The following NAV3 variants were observed in gnomAD, a reference collection of about 807,000 sequenced individuals.
NAV3 encodes the protein neuron navigator 3, also known as pore membrane and/or filament interacting like protein 1.
Under a neutral mutation model 244.7 loss-of-function variants are expected in NAV3, and 87 were observed. The ratio of observed to expected loss-of-function variants is 0.36; its 90% CI spans 0.30 to 0.42. The LOEUF is 0.42. NAV3 is among the 20% of genes least tolerant of loss of function. The probability of loss-of-function intolerance (pLI) is 1.00; values close to 1 mark genes in which losing one functional copy is unlikely to be tolerated. For missense variants in NAV3, 2,663 were observed against 2,893.3 expected, an observed-to-expected ratio of 0.92 and a Z score of 1.83; for synonymous variants, 1,126 against 1,042.2, an observed-to-expected ratio of 1.08 and a Z score of -1.55.
chr12:77,806,798 T>C (rs932957597), intron 2 of NAV3, among the ~76,000 whole-genome samples: 1 of 152,224 alleles, frequency 6.6e-6, no homozygotes, highest in African/African-American at 2.4e-5. Flanking sequence ...TGTGTGGTAG[T>C]CTAAGTCTCT....
At chr12:77,988,483 CTG>C (rs1870916742) in intron 5 of NAV3, among the ~76,000 whole-genome samples, 1 of 152,134 alleles carries the variant, frequency 6.6e-6, no homozygotes, top group African/African-American at 2.4e-5. Flanking sequence ...AAATAGTTGA[CTG>C]TGTATAGTTT....
chr12:78,010,162 A>G (rs1186958022), intron 8 of NAV3, among the ~76,000 whole-genome samples: 1 of 152,194 alleles, frequency 6.6e-6, no homozygotes, highest in African/African-American at 2.4e-5. Context: ...TACAAATAAT[A>G]TGTAAATCCT....
At chr12:78,199,105 C>T (rs1211304749) in intron 36 of NAV3, 1 of 614,634 alleles carries the variant, frequency 1.6e-6, no homozygotes, top group Non-Finnish European at 3.0e-6. Context: ...ACTTCTGACG[C>T]ACATGAGCTT....
intron 2 of NAV3, among the ~76,000 whole-genome samples, chr12:77,664,878 G>A (rs192560482): frequency 2.0e-5 from 3 of 152,190 alleles, no homozygotes; most frequent in Admixed American, 1.3e-4. Context: ...CATTATTTTT[G>A]TACAGTAAAC....
At chr12:78,023,419 G>A (rs780759188) in intron 9 of NAV3, among the ~76,000 whole-genome samples, 1 of 152,114 alleles carries the variant, frequency 6.6e-6, no homozygotes, top group Non-Finnish European at 1.5e-5. Context: ...GGCAATTAAT[G>A]TAATAATTTA....
chr12:77,977,713 C>T (rs908497814), intron 5 of NAV3, among the ~76,000 whole-genome samples: 18 of 40,100 alleles, frequency 4.5e-4, no homozygotes, highest in African/African-American at 1.4e-3. Flanking sequence ...CACACACGCG[C>T]ACACACACAC....
chr12:77,950,400 T>A (rs568954850), intron 3 of NAV3, among the ~76,000 whole-genome samples: 1 of 152,238 alleles, frequency 6.6e-6, no homozygotes, highest in East Asian at 1.9e-4. Context: ...ATTCCCCTGA[T>A]GACATATGAT....
intron 9 of NAV3, among the ~76,000 whole-genome samples, chr12:78,041,994 C>T (rs1275400300): frequency 1.3e-5 from 2 of 152,040 alleles, no homozygotes; most frequent in Non-Finnish European, 2.9e-5. Context: ...GCCGTCCCAT[C>T]TACTTCCTTT....
chr12:77,691,329 G>GTGTATATATATATATA (rs1555195177), intron 2 of NAV3, among the ~76,000 whole-genome samples: 40 of 66,700 alleles, frequency 6.0e-4, no homozygotes, highest in Admixed American at 1.8e-3. Flanking sequence ...AAGTATTTGT[G>GTGTATATATATATATA]TATGTGTGTA....
intron 2 of NAV3, among the ~76,000 whole-genome samples, chr12:77,667,708 A>G (rs752689687): frequency 2.0e-5 from 3 of 152,068 alleles, no homozygotes; most frequent in African/African-American, 4.8e-5. Context: ...ATCTCTTGGT[A>G]GCTCTATGGC....
intron 1 of NAV3, among the ~76,000 whole-genome samples, chr12:77,850,152 T>G (rs1368428320): frequency 6.6e-6 from 1 of 152,222 alleles, no homozygotes; most frequent in Non-Finnish European, 1.5e-5. Flanking sequence ...AGCCTTGTGC[T>G]AGAAAATCAG....
chr12:78,119,858 G>C lies in NAV3; in HGVS notation c.3662G>C (p.Ser1221Thr). ...TCTTTGTCAGGTTCCCCCAAATCCA[G>C]CCCCACCTCTGCCAGCGCCTGTGGT... ...SVSLSGSPKS[S>T]PTSASACGAQ... is the part of the protein sequence containing the mutation. Residue 1221 changes from serine (S) to threonine (T), a missense_variant, in exon 15 of 40, where the codon AGC becomes ACC. This residue lies in a region of NAV3 where 1,521 missense variants were observed against 1,497.0 expected (regional missense o/e 1.02). Transcript: ENST00000397909. 1.2e-6 allele frequency: 2 copies of C among 1,614,104 alleles called. No homozygotes were observed. Among genetic ancestry groups the C allele is most frequent in the Non-Finnish European group, 1.7e-6 (2 of 1,180,008 alleles).
intron 2 of NAV3, among the ~76,000 whole-genome samples, chr12:77,781,352 A>T (rs1021107241): frequency 1.3e-5 from 2 of 152,134 alleles, no homozygotes; most frequent in African/African-American, 2.4e-5. Context: ...AACATTACAA[A>T]CTATTCTCCC....
At chr12:78,059,844 A>G (rs1398314238) in intron 12 of NAV3, among the ~76,000 whole-genome samples, 2 of 152,170 alleles carry the variant, frequency 1.3e-5, no homozygotes, top group Non-Finnish European at 2.9e-5. Flanking sequence ...AGATTAAAAT[A>G]TATTTCAAAT....
intron 11 of NAV3, among the ~76,000 whole-genome samples, chr12:78,058,199 A>G (rs1883797919): frequency 6.6e-6 from 1 of 152,094 alleles, no homozygotes; most frequent in African/African-American, 2.4e-5. Flanking sequence ...CACTCTGCTA[A>G]TAAAGACATA....
intron 2 of NAV3, among the ~76,000 whole-genome samples, chr12:77,775,415 T>C (rs541106908): frequency 1.3e-5 from 2 of 149,264 alleles, no homozygotes; most frequent in East Asian, 3.9e-4. Flanking sequence ...AAGAAAAAAG[T>C]GTGTCATTTT....
chr12:77,875,989 G>A (rs1314861267), intron 1 of NAV3, among the ~76,000 whole-genome samples: 1 of 151,932 alleles, frequency 6.6e-6, no homozygotes, highest in Non-Finnish European at 1.5e-5. Flanking sequence ...AGGATAGATA[G>A]AATGACACTG....
chr12:78,008,019 G>A (rs778549535), intron 8 of NAV3, among the ~76,000 whole-genome samples: 3 of 152,122 alleles, frequency 2.0e-5, no homozygotes, highest in Non-Finnish European at 2.9e-5. Flanking sequence ...TTGTAGAGTT[G>A]AGACTATTAA....
chr12:77,847,003 T>C, intron 1 of NAV3, among the ~76,000 whole-genome samples: 1 of 152,142 alleles, frequency 6.6e-6, no homozygotes, highest in East Asian at 1.9e-4. Flanking sequence ...TTACGGGCCC[T>C]GAGTTGAATA....
Sources: allele counts gnomAD v4.1 joint callset (sites outside exome capture counted in the v4.1 genomes callset), GRCh38; gene constraint gnomAD v4.1.1; regional missense constraint gnomAD v4.1.1; transcripts MANE v1.5; gene names NCBI Gene and HGNC (gene_info 2026-07-23, HGNC 2026-07-21).